The following KPNA6 variants were observed in gnomAD, a reference collection of about 807,000 sequenced individuals.
KPNA6 encodes the protein importin subunit alpha-7.
KPNA6 carries 9 observed loss-of-function variants against 72.0 expected under a neutral mutation model. That is an observed-to-expected ratio of 0.13 (90% CI 0.08 to 0.22). The LOEUF (loss-of-function observed/expected upper bound fraction) is 0.22. KPNA6 is among the 10% of genes least tolerant of loss of function. The probability of loss-of-function intolerance (pLI) is 1.00; values close to 1 mark genes in which losing one functional copy is unlikely to be tolerated. For missense variants in KPNA6, 374 were observed against 655.7 expected (o/e 0.57, Z 4.69); for synonymous variants, 219 against 242.1 (o/e 0.90, Z 0.89).
intron 2 of KPNA6, 26 bp from the exon 3 acceptor site, chr1:32,156,827 C>T: frequency 6.4e-7 from 1 of 1,563,412 alleles, no homozygotes; most frequent in Non-Finnish European, 8.8e-7. Context: ...AGAGAGTACT[C>T]TTAACCACTG....
At chr1:32,113,484 CT>C (rs1641275134) in intron 1 of KPNA6, among the ~76,000 whole-genome samples, 1 of 152,066 alleles carries the variant, frequency 6.6e-6, no homozygotes, top group African/African-American at 2.4e-5. Flanking sequence ...CAGGGTCTCA[CT>C]CTGTCACACA....
chr1:32,108,171 C>T (rs1641177042), intron 1 of KPNA6, 37 bp downstream of exon 1: 3 of 1,613,628 alleles, frequency 1.9e-6, no homozygotes, highest in South Asian at 1.1e-5. Flanking sequence ...TTCTTGGGCT[C>T]AGGGAGTGTC....
chr1:32,160,583 T>G lies in KPNA6; in HGVS notation c.559-32T>G, dbSNP rs754212561. 3.2e-6 allele frequency: 5 copies of G among 1,567,356 alleles called. No individual in the cohort carries two copies. In the South Asian group the frequency reaches 5.5e-5, roughly 17 times the overall value. On this transcript the variant is annotated intron_variant, in intron 6 of 13. Transcript: ENST00000373625. ...AAGTACTCACAGGAGTACCAAGCTTTGTGGGTGACAGTTTCATTATCCCCT... is the reference window on the plus strand; with the variant it reads ...AAGTACTCACAGGAGTACCAAGCTTGGTGGGTGACAGTTTCATTATCCCCT...
chr1:32,174,817 G>C lies in KPNA6; in HGVS notation c.*3923G>C, dbSNP rs1156573699. 2 of 152,182 alleles carry C rather than the reference G, an allele frequency of 1.3e-5. No homozygotes were observed. The highest frequency in any genetic ancestry group is 2.4e-5 in the African/African-American group (1 of 41,438). The allele number at this position is 152,182 out of a possible 1,614,324, so 9.4% of individuals were successfully genotyped here. A position where few individuals can be genotyped will look rare whatever the true frequency, so the allele number is the denominator to read the frequency against. On this transcript the variant is annotated 3_prime_UTR_variant, in exon 14 of 14. Coordinates refer to ENST00000373625, the MANE Select transcript of KPNA6 (RefSeq NM_012316.5). ...GCAGGGCTCAGTGCGCTAAACCATG[G>C]TAAACATCTTCAATAGAACTACCCT... is the stretch of plus-strand genomic sequence containing the variant.
intron 1 of KPNA6, among the ~76,000 whole-genome samples, chr1:32,139,024 A>G (rs1469747379): frequency 6.6e-6 from 1 of 152,108 alleles, no homozygotes; most frequent in Non-Finnish European, 1.5e-5. Flanking sequence ...GTCACAAGGA[A>G]GGTTTCTTTG....
chr1:32,110,887 AAAAC>A (rs1295915060), intron 1 of KPNA6, among the ~76,000 whole-genome samples: 2 of 152,220 alleles, frequency 1.3e-5, no homozygotes, highest in Non-Finnish European at 2.9e-5. Context: ...CTCCCTCTCA[AAAAC>A]AAACAAATAA....
At chr1:32,114,451 A>AAAAAAATATATAT (rs982175711) in intron 1 of KPNA6, among the ~76,000 whole-genome samples, 23 of 145,550 alleles carry the variant, frequency 1.6e-4, no homozygotes, top group African/African-American at 5.6e-4. Context: ...CAAAAAAAAA[A>AAAAAAATATATAT]ATATATATAT....
intron 1 of KPNA6, among the ~76,000 whole-genome samples, chr1:32,128,418 TATATATATACAC>T (rs1419557145): frequency 7.5e-4 from 93 of 124,234 alleles, no homozygotes; most frequent in African/African-American, 3.1e-3. Flanking sequence ...TATATATATA[TATATATATACAC>T]ACACACACAC....
rs12130262 is a variant in KPNA6 at position 32,121,938 on chromosome 1, C to A, written c.4+13804C>A. 1.8e-3 allele frequency among the ~76,000 whole-genome samples: 267 copies of A among 150,878 alleles called. 2 individuals are homozygous for A. The highest frequency in any genetic ancestry group is 3.0e-3 in the Non-Finnish European group (203 of 67,688). On this transcript the variant is annotated intron_variant, in intron 1 of 13. Coordinates refer to ENST00000373625, the MANE Select transcript of KPNA6 (RefSeq NM_012316.5). ...CTGTGAACTGAGATCGTGCCACTGC[C>A]CTCCAGCCTGGGTGACAGAGCGACA... is the stretch of plus-strand genomic sequence containing the variant.
At chr1:32,167,336 T>A in intron 12 of KPNA6, 40 bp downstream of exon 12, 1 of 1,612,276 alleles carries the variant, frequency 6.2e-7, no homozygotes, top group Non-Finnish European at 8.5e-7. Flanking sequence ...TGATAATGGA[T>A]GCTCTCCCTG....
chr1:32,148,863 C>T (rs1557474766), intron 1 of KPNA6, among the ~76,000 whole-genome samples: 1 of 150,766 alleles, frequency 6.6e-6, no homozygotes, highest in Non-Finnish European at 1.5e-5. Flanking sequence ...GGCCCCCCTA[C>T]TTTTTTTTCA....
intron 6 of KPNA6, among the ~76,000 whole-genome samples, chr1:32,159,864 C>T (rs1642205815): frequency 6.6e-6 from 1 of 152,156 alleles, no homozygotes; most frequent in Non-Finnish European, 1.5e-5. Flanking sequence ...AAAAAAGACA[C>T]CACAGTACCC....
rs571844985 is a variant in KPNA6, at chr1:32,173,921, C to G, written c.*3027C>G. ...GATATGGATTAGGAGGGACAAGGAG[C>G]CTTTTTCTTGGCTAATGTTTTCCAA... On this transcript the variant is annotated 3_prime_UTR_variant, in exon 14 of 14. Transcript: ENST00000373625. 1 of 152,366 alleles carries G rather than the reference C, an allele frequency of 6.6e-6. No homozygotes were observed. The highest frequency in any genetic ancestry group is 1.5e-5 in the Non-Finnish European group (1 of 68,180). 9.4% of individuals were successfully genotyped at this position (152,366 alleles called of 1,614,324 possible).
rs534778248 is a variant in KPNA6 at position 32,148,874 on chromosome 1, A to G, written c.5-5714A>G. On this transcript the variant is annotated intron_variant, in intron 1 of 13. Transcript: ENST00000373625. ...GCCCGGCCCCCCTACTTTTTTTTCA[A>G]TAGAGATGAGATCTTGCCTATGTTG... is the stretch of plus-strand genomic sequence containing the variant. Among the ~76,000 whole-genome samples the G allele has an allele frequency of 1.5e-3, 229 of 148,906 alleles. 1 individual carries two copies. Among genetic ancestry groups the G allele is most frequent in the African/African-American group, 5.5e-3 (218 of 39,804 alleles).
intron 1 of KPNA6, among the ~76,000 whole-genome samples, chr1:32,138,271 G>A (rs752521856): frequency 2.6e-5 from 4 of 152,028 alleles, no homozygotes; most frequent in African/African-American, 4.8e-5. Context: ...CTGGCCAGGC[G>A]CGGTGGCTCA....
In KPNA6 at chr1:32,173,698, G is replaced by C. The variant is rs1271953279; in HGVS notation, c.*2804G>C. ...ATTTAGCCCAGGCTTGAGAGCCACT[G>C]TTTGTGGACAGTCTTCATCTAGATT... On this transcript the variant is annotated 3_prime_UTR_variant, in exon 14 of 14. Transcript: ENST00000373625. 6.6e-6 allele frequency: 1 copy of C among 152,218 alleles called. No homozygotes were observed. Among genetic ancestry groups the C allele is most frequent in the Non-Finnish European group, 1.5e-5 (1 of 68,054 alleles). The allele number at this position is 152,218 out of a possible 1,614,324, so 9.4% of individuals were successfully genotyped here.
At chr1:32,167,132 TTCTC>T in intron 11 of KPNA6, 33 bp from the exon 12 acceptor site, 1 of 1,606,122 alleles carries the variant, frequency 6.2e-7, no homozygotes, top group Non-Finnish European at 8.5e-7. Flanking sequence ...TGAAATGACT[TTCTC>T]CTTCCATCTG....
intron 1 of KPNA6, among the ~76,000 whole-genome samples, chr1:32,148,088 T>G (rs988954551): frequency 6.6e-6 from 1 of 152,170 alleles, no homozygotes; most frequent in African/African-American, 2.4e-5. Flanking sequence ...AGTTTGATTA[T>G]GTGTCTCAAT....
chr1:32,169,612 A>C (rs542376245), intron 12 of KPNA6, among the ~76,000 whole-genome samples: 3 of 142,274 alleles, frequency 2.1e-5, no homozygotes, highest in Non-Finnish European at 3.0e-5. Flanking sequence ...ACACCTGGCC[A>C]ATTTTTTTTT....
Sources: allele counts gnomAD v4.1 joint callset (sites outside exome capture counted in the v4.1 genomes callset), GRCh38; gene constraint gnomAD v4.1.1; transcripts MANE v1.5; gene names NCBI Gene and HGNC (gene_info 2026-07-23, HGNC 2026-07-21).